Variants in TPR observed in about 807,000 individuals in gnomAD.
TPR encodes translocated promoter region, nuclear basket protein, also known as nucleoprotein TPR.
A neutral mutation model predicts 316.1 loss-of-function variants in TPR; 51 were observed. The observed-to-expected ratio is 0.16, with a 90% CI of 0.13 to 0.20. The LOEUF (loss-of-function observed/expected upper bound fraction) is 0.20, where lower values mean the gene tolerates loss of function less well. Ranked by LOEUF, TPR falls within the 10% of genes least tolerant of loss-of-function variation. TPR has a pLI of 1.00. For missense variants in TPR, 2,272 were observed against 2,754.8 expected, an observed-to-expected ratio of 0.82 and a Z score of 3.92; for synonymous variants, 981 against 914.7, an observed-to-expected ratio of 1.07 and a Z score of -1.31.
chr1:186,339,119 A>G (rs1658425818), intron 30 of TPR, among the ~76,000 whole-genome samples: 1 of 152,086 alleles, frequency 6.6e-6, no homozygotes, highest in African/African-American at 2.4e-5. Context: ...AGTTCATGTG[A>G]GAAAAAATTA....
At position 186,373,369 on chromosome 1, in the gene TPR, T is replaced by C. The variant is rs758499950; in HGVS notation, c.246A>G (p.Leu82=). 6.2e-7 allele frequency: 1 copy of C among 1,612,872 alleles called. No individual in the cohort carries two copies. Among genetic ancestry groups the C allele is most frequent in the Non-Finnish European group, 8.5e-7 (1 of 1,179,178 alleles). The change falls in exon 2 of 51, where the codon CTA becomes CTG. Residue 82 remains leucine, a synonymous_variant. Transcript: ENST00000367478. ...GAATTAAATACTTACTGAGTTTCTC[T>C]AGCTCAAGCCGCAAGCTTTGACACT... ...TRECQSLRLE[L]EKLNNQLKAL...
In TPR at chr1:186,346,211, T is replaced by A; in HGVS notation, c.3020A>T (p.Lys1007Met). ...SAEFQTQLEK[K>M]LMEVEKEKQE... ...TTTTTCCTTCTCTACTTCCATCAAC[T>A]TCTTTTCCAACTGTGTCTGAAATTC... The change falls in exon 23 of 51, where the codon AAG (lysine) becomes ATG (methionine). Residue 1007 changes from lysine to methionine, a missense_variant. Coordinates refer to ENST00000367478, the MANE Select transcript of TPR (RefSeq NM_003292.3). 6.2e-7 allele frequency: 1 copy of A among 1,613,434 alleles called. No homozygotes were observed. Among genetic ancestry groups the A allele is most frequent in the Non-Finnish European group, 8.5e-7 (1 of 1,179,724 alleles).
chr1:186,324,020 T>C, intron 42 of TPR, 150 bp from the exon 43 acceptor site: 1 of 771,944 alleles, frequency 1.3e-6, no homozygotes, highest in South Asian at 2.2e-5. Context: ...GAAGCAAATG[T>C]GGGTTTTACA....
intron 3 of TPR, 27 bp from the exon 4 acceptor site, chr1:186,368,009 G>C (rs375570762): frequency 2.9e-5 from 45 of 1,538,784 alleles, no homozygotes; most frequent in Non-Finnish European, 3.9e-5. Flanking sequence ...TAATAAGTAA[G>C]AAAATCAAGT....
At chr1:186,330,289 C>T (rs1658119765) in intron 39 of TPR, among the ~76,000 whole-genome samples, 1 of 152,088 alleles carries the variant, frequency 6.6e-6, no homozygotes, top group African/African-American at 2.4e-5. Flanking sequence ...CTAACTGGAA[C>T]TATCGGGCAA....
intron 25 of TPR, 61 bp from the exon 26 acceptor site, chr1:186,344,151 T>C: frequency 2.6e-6 from 4 of 1,545,366 alleles, no homozygotes; most frequent in Non-Finnish European, 3.5e-6. Context: ...AAAAAACAAC[T>C]TGGCCAGGCG....
At chr1:186,337,280 C>G in intron 31 of TPR, 124 bp from the exon 32 acceptor site, 2 of 1,225,938 alleles carry the variant, frequency 1.6e-6, no homozygotes, top group Non-Finnish European at 2.2e-6. Flanking sequence ...GTATTCAAAA[C>G]AGAATTTTCT....
At chr1:186,320,754 A>G (rs1003163205) in intron 45 of TPR, among the ~76,000 whole-genome samples, 1 of 152,202 alleles carries the variant, frequency 6.6e-6, no homozygotes, top group African/African-American at 2.4e-5. Flanking sequence ...CATAACAAAA[A>G]GAGTTGTTAG....
rs770596036 is a variant in TPR at position 186,312,812 on chromosome 1, A to C, written c.*1159T>G. 5.0e-6 allele frequency: 8 copies of C among 1,611,996 alleles called. No homozygotes were observed. In the Admixed American group the frequency reaches 1.3e-4, roughly 27 times the overall value. On this transcript the variant is annotated 3_prime_UTR_variant, in exon 51 of 51. Transcript: ENST00000367478. The stretch of plus-strand genomic sequence containing the variant: ...TTAAAGTGAGTATACTGTGGAGAGG[A>C]CTTCCAAATGTGGTTACCTCAGCTA...
intron 27 of TPR, 113 bp downstream of exon 27, chr1:186,343,213 T>G: frequency 2.9e-6 from 4 of 1,361,394 alleles, no homozygotes; most frequent in Non-Finnish European, 4.0e-6. Flanking sequence ...ATTTACAAGT[T>G]TAGAAGAATG....
intron 3 of TPR, among the ~76,000 whole-genome samples, chr1:186,369,727 T>C (rs1057502108): frequency 6.6e-6 from 1 of 152,194 alleles, no homozygotes; most frequent in Non-Finnish European, 1.5e-5. Context: ...TGGGTGCATT[T>C]TATTTCCTTT....
chr1:186,358,711 A>G, intron 12 of TPR, 61 bp from the exon 13 acceptor site: 1 of 1,350,590 alleles, frequency 7.4e-7, no homozygotes, highest in South Asian at 1.2e-5. Flanking sequence ...TACAAGTAAT[A>G]AAGACATACA....
Position 186,312,795 on chromosome 1 carries a change from A to C in TPR, c.*1176T>G. ...TGTCCTTCATAATGAAGTTAAAGTG[A>C]GTATACTGTGGAGAGGACTTCCAAA... On this transcript the variant is annotated 3_prime_UTR_variant, in exon 51 of 51. Coordinates refer to ENST00000367478, the MANE Select transcript of TPR (RefSeq NM_003292.3). The C allele has an allele frequency of 6.2e-7, 1 of 1,612,882 alleles. No homozygotes were observed.
intron 5 of TPR, 105 bp from the exon 6 acceptor site, chr1:186,363,106 C>T (rs1659243632): frequency 1.6e-6 from 2 of 1,281,860 alleles, no homozygotes; most frequent in African/African-American, 3.0e-5. Context: ...TATTTCAAAA[C>T]AGAAATTAAG....
At chr1:186,363,482 T>C in intron 4 of TPR, 37 bp from the exon 5 acceptor site, 1 of 1,389,002 alleles carries the variant, frequency 7.2e-7, no homozygotes, top group Non-Finnish European at 1.0e-6. Context: ...TAATAACTAA[T>C]TAACACTCAG....
intron 2 of TPR, among the ~76,000 whole-genome samples, chr1:186,372,325 C>T (rs1008374087): frequency 5.3e-5 from 8 of 152,276 alleles, no homozygotes; most frequent in Admixed American, 4.6e-4. Flanking sequence ...GAGAATCGCT[C>T]GAGGCCAGGA....
intron 30 of TPR, among the ~76,000 whole-genome samples, chr1:186,339,359 T>A (rs150783162): frequency 1.3e-5 from 2 of 150,746 alleles, no homozygotes; most frequent in Non-Finnish European, 2.9e-5. Flanking sequence ...AACCTCCTTG[T>A]AAGTTTTTGA....
Position 186,313,829 on chromosome 1 carries a change from T to G in TPR, c.*142A>C. 1.3e-6 allele frequency: 2 copies of G among 1,509,258 alleles called. No homozygotes were observed. The highest frequency in any genetic ancestry group is 1.8e-6 in the Non-Finnish European group (2 of 1,085,116). 93.5% of individuals were successfully genotyped at this position (1,509,258 alleles called of 1,614,324 possible). ...TAATGAAGAAATGAATAATAAATTT[T>G]GACACTGAAAAACATTTTATTAATA... On this transcript the variant is annotated 3_prime_UTR_variant, in exon 51 of 51. Coordinates refer to ENST00000367478, the MANE Select transcript of TPR (RefSeq NM_003292.3).
intron 11 of TPR, 88 bp downstream of exon 11, chr1:186,360,185 A>C (rs1015131384): frequency 5.5e-6 from 8 of 1,461,600 alleles, no homozygotes; most frequent in Non-Finnish European, 5.6e-6. Flanking sequence ...TGATTTTAAA[A>C]ATAAGTTTTG....
Sources: allele counts gnomAD v4.1 joint callset (sites outside exome capture counted in the v4.1 genomes callset), GRCh38; gene constraint gnomAD v4.1.1; transcripts MANE v1.5; gene names NCBI Gene and HGNC (gene_info 2026-07-23, HGNC 2026-07-21).